Variants in CREBBP observed in about 807,000 individuals in gnomAD.
CREBBP encodes CREB binding lysine acetyltransferase.
A neutral mutation model predicts 265.0 loss-of-function variants in CREBBP; 19 were observed. That is an observed-to-expected ratio of 0.07 (90% CI 0.05 to 0.11). The LOEUF (loss-of-function observed/expected upper bound fraction) is 0.11. Among genes scored for constraint, CREBBP ranks in the 10% least tolerant of loss-of-function variants. The pLI, the probability that CREBBP is intolerant of heterozygous loss-of-function variation, is 1.00. For missense variants in CREBBP, 2,525 were observed against 3,219.0 expected (o/e 0.78, Z 5.22); for synonymous variants, 1,457 against 1,223.7 (o/e 1.19, Z -3.98).
At chr16:3,737,731 T>C (rs765902915) in intron 26 of CREBBP, among the ~76,000 whole-genome samples, 1 of 151,462 alleles carries the variant, frequency 6.6e-6, no homozygotes, top group Admixed American at 6.6e-5. Flanking sequence ...CCCAAAGTAC[T>C]AGGATTACAG....
rs1377921252 is a variant in CREBBP, at chr16:3,778,070, A to G, written c.2054T>C (p.Leu685Ser). Reference sequence around the variant, plus strand: ...AGGGGGCTGAGCCCCCGGGGCTGGTAAGGCTGGCTGGTTCCCCAAGATGCC... The same window carrying G: ...AGGGGGCTGAGCCCCCGGGGCTGGTGAGGCTGGCTGGTTCCCCAAGATGCC... ...KQGILGNQPA[L>S]PAPGAQPPVI... The change falls in exon 10 of 31, where the codon TTA becomes TCA. Residue 685 changes from leucine to serine, a missense_variant. By Grantham distance (145) the Leu-to-Ser change is moderately radical. Around this residue, in one of 19 missense-constraint regions of CREBBP, gnomAD observed 548 missense variants for 533.0 expected, o/e 1.03. Transcript: ENST00000262367. 6.2e-7 allele frequency: 1 copy of G among 1,614,216 alleles called. No individual in the cohort carries two copies. The highest frequency in any genetic ancestry group is 2.2e-5 in the East Asian group (1 of 44,890).
intron 2 of CREBBP, among the ~76,000 whole-genome samples, chr16:3,814,941 G>C (rs1315494538): frequency 6.6e-6 from 1 of 152,202 alleles, no homozygotes; most frequent in East Asian, 1.9e-4. Flanking sequence ...CTCTCTCACA[G>C]GGTATCACTG....
At position 3,726,912 on chromosome 16, in the gene CREBBP, G is replaced by C. The variant is rs767086157; in HGVS notation, c.*806C>G. On this transcript the variant is annotated 3_prime_UTR_variant, in exon 31 of 31. Transcript: ENST00000262367. ...CAGTGATTGAATCTTCTCGAGTTTC[G>C]TATTTATAGGAATTAGAGCGCTTGC... The C allele has an allele frequency of 4.3e-6, 1 of 233,518 alleles. No individual in the cohort carries two copies. Among genetic ancestry groups the C allele is most frequent in the Non-Finnish European group, 8.5e-6 (1 of 118,004 alleles). The allele number at this position is 233,518 out of a possible 1,614,324, so 14.5% of individuals were successfully genotyped here. A position where few individuals can be genotyped will look rare whatever the true frequency, so the allele number is the denominator to read the frequency against.
Position 3,757,964 on chromosome 16 carries a change from G to C in CREBBP, c.3454C>G (p.Gln1152Glu), listed in dbSNP as rs1374209600. ...ATGAGCCAGACGTCGTCCACGTACT[G>C]CCAGGGCTCTTGGTATTGCCCTGTG... ...LDTGQYQEPW[Q>E]YVDDVWLMFN... Residue 1152 changes from glutamine to glutamate, a missense_variant, in exon 18 of 31, where the codon CAG becomes GAG. Gln to Glu is a conservative substitution (Grantham distance 29). This residue lies in a region of CREBBP where 252 missense variants were observed against 452.5 expected (regional missense o/e 0.56). Coordinates refer to ENST00000262367, the MANE Select transcript of CREBBP (RefSeq NM_004380.3). 1 of 1,613,764 alleles carries C rather than the reference G, an allele frequency of 6.2e-7. No homozygotes were observed. The highest frequency in any genetic ancestry group is 1.1e-5 in the South Asian group (1 of 91,078).
At position 3,729,041 on chromosome 16, in the gene CREBBP, C is replaced by T. The variant is rs768100377; in HGVS notation, c.6006G>A (p.Val2002=). Residue 2002 remains valine, a synonymous_variant, in exon 31 of 31, where the codon GTG becomes GTA. Transcript: ENST00000262367. The part of the protein sequence containing the change: ...GSQMAPVSLN[V]PRPNQVSGPV... ...GCCCGCTCACCTGGTTGGGTCGGGG[C>T]ACATTCAGGCTCACGGGGGCCATCT... is the stretch of plus-strand genomic sequence containing the variant. 2 of 1,588,102 alleles carry T rather than the reference C, an allele frequency of 1.3e-6. No homozygotes were observed. The highest frequency in any genetic ancestry group is 1.7e-6 in the Non-Finnish European group (2 of 1,172,886).
chr16:3,845,511 T>C (rs538147797), intron 2 of CREBBP, among the ~76,000 whole-genome samples: 3 of 152,232 alleles, frequency 2.0e-5, no homozygotes, highest in African/African-American at 7.2e-5. Flanking sequence ...AAATAAATGG[T>C]ACTAAGATGA....
At chr16:3,867,238 T>C (rs938279260) in intron 1 of CREBBP, among the ~76,000 whole-genome samples, 1 of 152,186 alleles carries the variant, frequency 6.6e-6, no homozygotes, top group Admixed American at 6.5e-5. Context: ...TTGATGACAG[T>C]AGCAAAACCT....
intron 23 of CREBBP, 130 bp from the exon 24 acceptor site, chr16:3,740,679 G>A (rs2052181935): frequency 2.8e-6 from 3 of 1,081,772 alleles, no homozygotes; most frequent in Non-Finnish European, 4.1e-6. Flanking sequence ...TCCAAACACG[G>A]AAGAAATCTA....
At position 3,818,772 on chromosome 16, in the gene CREBBP, G is replaced by A. The variant is rs889168841; in HGVS notation, c.799-7993C>T. Among the ~76,000 whole-genome samples, 5 of 152,196 alleles carry A rather than the reference G, an allele frequency of 3.3e-5. No homozygotes were observed. The South Asian group carries it at 6.2e-4, about 19-fold the overall frequency. On this transcript the variant is annotated intron_variant, in intron 2 of 30. Transcript: ENST00000262367. ...GGCTTTGGGGGGTGTCACTGATGCT[G>A]GTCAAAAACACACAAAAAGGAACCA... is the stretch of plus-strand genomic sequence containing the variant.
chr16:3,863,968 CG>C (rs2055128452), intron 1 of CREBBP, among the ~76,000 whole-genome samples: 1 of 152,168 alleles, frequency 6.6e-6, no homozygotes, highest in Admixed American at 6.5e-5. Flanking sequence ...CACCAGACCC[CG>C]GAGAGGTGCT....
intron 13 of CREBBP, among the ~76,000 whole-genome samples, 182 bp from the exon 14 acceptor site, chr16:3,771,168 A>G (rs1182173022): frequency 6.6e-6 from 1 of 152,092 alleles, no homozygotes; most frequent in African/African-American, 2.4e-5. Context: ...TCCTGGGTTC[A>G]AGCAATTCTC....
intron 3 of CREBBP, among the ~76,000 whole-genome samples, chr16:3,808,537 A>T (rs1445042573): frequency 2.0e-5 from 3 of 152,228 alleles, no homozygotes; most frequent in Non-Finnish European, 4.4e-5. Context: ...GGGAATGAGC[A>T]GCCTCTTTGC....
intron 1 of CREBBP, among the ~76,000 whole-genome samples, chr16:3,871,383 T>C (rs534426580): frequency 6.6e-6 from 1 of 152,298 alleles, no homozygotes; most frequent in Admixed American, 6.5e-5. Context: ...AAAGCTGACA[T>C]TTCCTTCAAC....
intron 21 of CREBBP, among the ~76,000 whole-genome samples, chr16:3,748,917 A>T (rs1053441842): frequency 3.9e-5 from 6 of 152,310 alleles, no homozygotes; most frequent in African/African-American, 1.4e-4. Flanking sequence ...AGGCCGAGAC[A>T]GGCACATCAC....
chr16:3,789,286 G>A (rs1015831049), intron 5 of CREBBP, among the ~76,000 whole-genome samples: 10 of 152,152 alleles, frequency 6.6e-5, no homozygotes, highest in Non-Finnish European at 1.3e-4. Flanking sequence ...TGTTCACCTC[G>A]TTTGCACAGG....
chr16:3,775,791 G>T (rs1462394139), intron 11 of CREBBP, among the ~76,000 whole-genome samples: 3 of 152,186 alleles, frequency 2.0e-5, no homozygotes, highest in African/African-American at 7.2e-5. Flanking sequence ...TATTCTGCTG[G>T]TAAACAGCAG....
intron 1 of CREBBP, among the ~76,000 whole-genome samples, chr16:3,879,232 G>T (rs1322135406): frequency 1.0e-4 from 2 of 19,158 alleles, no homozygotes; most frequent in Non-Finnish European, 4.0e-4. Flanking sequence ...ACACACACGC[G>T]CGCACACACA....
intron 20 of CREBBP, among the ~76,000 whole-genome samples, chr16:3,751,411 G>A (rs911258548): frequency 4.6e-5 from 7 of 152,136 alleles, no homozygotes; most frequent in Non-Finnish European, 8.8e-5. Context: ...GCAACATGGC[G>A]AGACCTCGTC....
chr16:3,880,305 G>GCCGCCGCCGCCGCCTCGCT lies in CREBBP; in HGVS notation c.-408_-390dup, dbSNP rs2055505167. 1 of 143,662 alleles carries GCCGCCGCCGCCGCCTCGCT rather than the reference G, an allele frequency of 7.0e-6. No individual in the cohort carries two copies. Among genetic ancestry groups the GCCGCCGCCGCCGCCTCGCT allele is most frequent in the Non-Finnish European group, 1.5e-5 (1 of 64,790 alleles). The allele number at this position is 143,662 out of a possible 1,614,324, so 8.9% of individuals were successfully genotyped here. ...AGGCAGTCCCCGAGAACATGGTGCC[G>GCCGCCGCCGCCGCCTCGCT]CCGCCGCCGCCGCCTCGCTCCCCCC... On this transcript the variant is annotated 5_prime_UTR_variant, in exon 1 of 31. Transcript: ENST00000262367.
Sources: allele counts gnomAD v4.1 joint callset (sites outside exome capture counted in the v4.1 genomes callset), GRCh38; gene constraint gnomAD v4.1.1; regional missense constraint gnomAD v4.1.1; transcripts MANE v1.5; gene names NCBI Gene and HGNC (gene_info 2026-07-23, HGNC 2026-07-21).